ZNF347: variants seen among roughly 807,000 people sequenced by gnomAD.
ZNF347 encodes zinc finger protein 347, also known as CTD-2620I22.7.
A neutral mutation model predicts 12.9 loss-of-function variants in ZNF347; 19 were observed. The observed-to-expected ratio is 1.47, with a 90% CI of 1.03 to 2.16. ZNF347 has a LOEUF of 2.16. Among genes scored for constraint, ZNF347 ranks in the 30% most tolerant of loss-of-function variants. The pLI, the probability that ZNF347 is intolerant of heterozygous loss-of-function variation, is 0.00. For missense variants in ZNF347, 1,005 were observed against 990.6 expected (o/e 1.01, Z -0.19); for synonymous variants, 328 against 340.6 (o/e 0.96, Z 0.41).
rs1453736046 is a variant in ZNF347, at chr19:53,136,223, G to A, written c.*4085C>T. On this transcript the variant is annotated 3_prime_UTR_variant, in exon 5 of 5. Coordinates refer to ENST00000334197, the MANE Select transcript of ZNF347 (RefSeq NM_032584.3). ...TTTAATTGAACTAAAGATTTACAAGGACACTCCATTTTCCTATTTACAGAG... is the reference window on the plus strand; with the variant it reads ...TTTAATTGAACTAAAGATTTACAAGAACACTCCATTTTCCTATTTACAGAG... The A allele has an allele frequency of 6.7e-6, 1 of 149,746 alleles. No homozygotes were observed. The highest frequency in any genetic ancestry group is 1.5e-5 in the Non-Finnish European group (1 of 67,600). The allele number at this position is 149,746 out of a possible 1,614,324, so 9.3% of individuals were successfully genotyped here.
At position 53,142,335 on chromosome 19, in the gene ZNF347, G is replaced by C; in HGVS notation, c.493C>G (p.His165Asp). 2 of 1,614,080 alleles carry C rather than the reference G, an allele frequency of 1.2e-6. No individual in the cohort carries two copies. Among genetic ancestry groups the C allele is most frequent in the Non-Finnish European group, 1.7e-6 (2 of 1,180,000 alleles). The change falls in exon 5 of 5, where the codon CAT (histidine) becomes GAT (aspartate). Residue 165 changes from histidine (H) to aspartate (D), a missense_variant. Transcript: ENST00000334197. The stretch of plus-strand genomic sequence containing the variant: ...CTTTTATCATGTTCATCTCTTCCAT[G>C]AGTGAGATTGCCTTCTTGGGTCAAA... ...VLLTQEGNLT[H>D]GRDEHDKRDA...
intron 3 of ZNF347, 138 bp downstream of exon 3, chr19:53,149,103 C>A: frequency 6.6e-7 from 1 of 1,509,458 alleles, no homozygotes; most frequent in Middle Eastern, 1.9e-4. Context: ...CCAGTTTCCA[C>A]ATTATGGAGA....
At chr19:53,150,804 A>G (rs1036638500) in intron 2 of ZNF347, among the ~76,000 whole-genome samples, 1 of 152,162 alleles carries the variant, frequency 6.6e-6, no homozygotes, top group African/African-American at 2.4e-5. Context: ...CAGTGGCATG[A>G]TCTCAGTTCA....
At chr19:53,152,165 T>C (rs1485482931) in intron 2 of ZNF347, among the ~76,000 whole-genome samples, 6 of 151,908 alleles carry the variant, frequency 3.9e-5, no homozygotes, top group Non-Finnish European at 8.8e-5. Flanking sequence ...ATACACAGTT[T>C]AGTAATAACA....
intron 1 of ZNF347, among the ~76,000 whole-genome samples, chr19:53,157,701 C>T (rs543250360): frequency 3.3e-5 from 5 of 152,194 alleles, no homozygotes; most frequent in Admixed American, 2.6e-4. Context: ...AGGCCTCCCC[C>T]TGCTGTGGTT....
chr19:53,139,375 A>G lies in ZNF347; in HGVS notation c.*933T>C, dbSNP rs143153672. ...GATAAAAATGATCCTCATGTAATGA[A>G]GTAAGCCTTTCCATACTGTGGTTCT... On this transcript the variant is annotated 3_prime_UTR_variant, in exon 5 of 5. Coordinates refer to ENST00000334197, the MANE Select transcript of ZNF347 (RefSeq NM_032584.3). 24 of 152,342 alleles carry G rather than the reference A, an allele frequency of 1.6e-4. No individual in the cohort carries two copies. The highest frequency in any genetic ancestry group is 4.8e-4 in the African/African-American group (20 of 41,590). The allele number at this position is 152,342 out of a possible 1,614,324, so 9.4% of individuals were successfully genotyped here.
At chr19:53,153,051 T>G (rs2090509144) in intron 2 of ZNF347, among the ~76,000 whole-genome samples, 2 of 152,242 alleles carry the variant, frequency 1.3e-5, no homozygotes, top group Admixed American at 6.5e-5. Context: ...CTAGCACCAG[T>G]TGCACAAGGG....
chr19:53,149,588 G>C (rs1388805395), intron 2 of ZNF347: 10 of 821,578 alleles, frequency 1.2e-5, no homozygotes, highest in Non-Finnish European at 1.7e-5. Flanking sequence ...ATGACTGGTG[G>C]CTGGAGGCCC....
Position 53,142,421 on chromosome 19 carries a change from T to C in ZNF347, c.407A>G (p.Lys136Arg), listed in dbSNP as rs1427122457. The C allele has an allele frequency of 6.2e-7, 1 of 1,614,138 alleles. No individual in the cohort carries two copies. The highest frequency in any genetic ancestry group is 8.5e-7 in the Non-Finnish European group (1 of 1,179,998). Residue 136 changes from lysine (K) to arginine (R), a missense_variant, in exon 5 of 5, where the codon AAA becomes AGA. Lys to Arg is a conservative substitution (Grantham distance 26). Coordinates refer to ENST00000334197, the MANE Select transcript of ZNF347 (RefSeq NM_032584.3). The part of the protein sequence containing the change: ...IEGCSFREVQ[K>R]NTHGLEYQCR... ...TTGATACTCAAGGCCATGTGTATTT[T>C]TCTGGACTTCCCTGAAGGAACATCC...
chr19:53,151,977 C>T (rs2090501068), intron 2 of ZNF347, among the ~76,000 whole-genome samples: 1 of 150,466 alleles, frequency 6.6e-6, no homozygotes, highest in Admixed American at 6.7e-5. Flanking sequence ...TCTGTAATTC[C>T]AGCTACTCAG....
At position 53,153,810 on chromosome 19, in the gene ZNF347, G is replaced by GT; in HGVS notation, c.-46-18dup. 8 of 1,608,952 alleles carry GT rather than the reference G, an allele frequency of 5.0e-6. No homozygotes were observed. The highest frequency in any genetic ancestry group is 6.8e-6 in the Non-Finnish European group (8 of 1,175,650). On this transcript the variant is annotated splice_polypyrimidine_tract_variant and intron_variant, in intron 1 of 4. Transcript: ENST00000334197. Reference sequence around the variant, plus strand: ...GGGTTCTTCCTTAGGTAACAGGAAAGTGCCTTTAGAAGTCAATATTGAATA... The same window carrying GT: ...GGGTTCTTCCTTAGGTAACAGGAAAGTTGCCTTTAGAAGTCAATATTGAATA...
At chr19:53,149,471 TC>T in intron 2 of ZNF347, 104 bp from the exon 3 acceptor site, 2 of 1,577,494 alleles carry the variant, frequency 1.3e-6, no homozygotes. Context: ...TGGGCCGATA[TC>T]CAAGTTGTGA....
At position 53,148,797 on chromosome 19, in the gene ZNF347, A is replaced by G; in HGVS notation, c.155T>C (p.Phe52Ser). 6.2e-7 allele frequency: 1 copy of G among 1,613,652 alleles called. No homozygotes were observed. The change falls in exon 4 of 5, where the codon TTT (phenylalanine) becomes TCT (serine). Residue 52 changes from phenylalanine (F) to serine (S), a missense_variant. By Grantham distance (155) the Phe-to-Ser change is radical. Transcript: ENST00000334197. Reference protein sequence around the residue: ...RNLASLGISCFDLSIISMLEQ... With the variant: ...RNLASLGISCSDLSIISMLEQ... ...CAACATAGAGATAATACTGAGGTCA[A>G]AACAAGAGATTCCTGCTTATGAAAA... is the stretch of plus-strand genomic sequence containing the variant.
chr19:53,142,492 T>A lies in ZNF347; in HGVS notation c.336A>T (p.Val112=). 2 of 1,613,786 alleles carry A rather than the reference T, an allele frequency of 1.2e-6. No homozygotes were observed. The highest frequency in any genetic ancestry group is 4.5e-5 in the East Asian group (2 of 44,854). Residue 112 remains valine, a synonymous_variant, in exon 5 of 5, where the codon GTA becomes GTT. Coordinates refer to ENST00000334197, the MANE Select transcript of ZNF347 (RefSeq NM_032584.3). ...LHKGKSNTGE[V]FQTVMLERQE... ...GTCTTTCCAACATCACTGTTTGGAA[T>A]ACTTCTCCTGTATTACTCTTCCCTT...
chr19:53,137,947 T>C lies in ZNF347; in HGVS notation c.*2361A>G, dbSNP rs548900137. ...CCGAGTAGCTGGGATTACAGGCGCA[T>C]GCCACCACATCCAACCAATATATAT... On this transcript the variant is annotated 3_prime_UTR_variant, in exon 5 of 5. Transcript: ENST00000334197. 1 of 151,878 alleles carries C rather than the reference T, an allele frequency of 6.6e-6. No individual in the cohort carries two copies. The highest frequency in any genetic ancestry group is 1.5e-5 in the Non-Finnish European group (1 of 67,966). The allele number at this position is 151,878 out of a possible 1,614,324, so 9.4% of individuals were successfully genotyped here. A position where few individuals can be genotyped will look rare whatever the true frequency, so the allele number is the denominator to read the frequency against.
chr19:53,150,069 G>C (rs901356137), intron 2 of ZNF347, among the ~76,000 whole-genome samples: 3 of 152,172 alleles, frequency 2.0e-5, no homozygotes, highest in African/African-American at 7.2e-5. Context: ...CCTGAGGAGG[G>C]GGTCATGGGA....
intron 4 of ZNF347, among the ~76,000 whole-genome samples, chr19:53,145,918 C>A (rs2090459755): frequency 6.6e-6 from 1 of 150,812 alleles, no homozygotes; most frequent in Non-Finnish European, 1.5e-5. Context: ...GTAGAACTAA[C>A]CAAAATAAAG....
chr19:53,142,449 C>T lies in ZNF347; in HGVS notation c.379G>A (p.Glu127Lys), dbSNP rs1017718867. The change falls in exon 5 of 5, where the codon GAA becomes AAA. Residue 127 changes from glutamate (E) to lysine (K), a missense_variant. Coordinates refer to ENST00000334197, the MANE Select transcript of ZNF347 (RefSeq NM_032584.3). ...TGGACTTCCCTGAAGGAACATCCTT[C>T]AATGTCTTGGCTTTCCTGTCTTTCC... ...MLERQESQDI[E>K]GCSFREVQKN... The T allele has an allele frequency of 3.1e-6, 5 of 1,613,992 alleles. No homozygotes were observed. The African/African-American group carries it at 6.7e-5, about 22-fold the overall frequency.
rs2090403850 is a variant in ZNF347, at chr19:53,139,194, C to T, written c.*1114G>A. ...CAGGTAGAGCCTTACTTCCCTAAAA[C>T]CCATGGTGTCTTTCTCTCAGAAAAG... is the stretch of plus-strand genomic sequence containing the variant. On this transcript the variant is annotated 3_prime_UTR_variant, in exon 5 of 5. Transcript: ENST00000334197. 6.6e-6 allele frequency: 1 copy of T among 152,198 alleles called. No individual in the cohort carries two copies. Among genetic ancestry groups the T allele is most frequent in the Non-Finnish European group, 1.5e-5 (1 of 68,038 alleles). 9.4% of individuals were successfully genotyped at this position (152,198 alleles called of 1,614,324 possible).
Sources: allele counts gnomAD v4.1 joint callset (sites outside exome capture counted in the v4.1 genomes callset), GRCh38; gene constraint gnomAD v4.1.1; transcripts MANE v1.5; gene names NCBI Gene and HGNC (gene_info 2026-07-23, HGNC 2026-07-21).